Variants in IFI27L1 observed in about 807,000 individuals in gnomAD.
IFI27L1 encodes the protein interferon alpha-inducible protein 27-like protein 1.
A neutral mutation model predicts 9.2 loss-of-function variants in IFI27L1; 3 were observed. That is an observed-to-expected ratio of 0.32 (90% confidence interval 0.15 to 0.84). The LOEUF is 0.84. Among genes scored for constraint, IFI27L1 ranks in the 40% least tolerant of loss-of-function variants. IFI27L1 has a pLI of 0.56. For missense variants in IFI27L1, 133 were observed against 134.2 expected (o/e 0.99, Z 0.05); for synonymous variants, 53 against 50.0 (o/e 1.06, Z -0.26).
In IFI27L1 at chr14:94,101,834, C is replaced by T. The variant is rs748261895; in HGVS notation, c.82C>T (p.Leu28Phe). 3.7e-6 allele frequency: 6 copies of T among 1,614,132 alleles called. No individual in the cohort carries two copies. The highest frequency in any genetic ancestry group is 5.1e-6 in the Non-Finnish European group (6 of 1,180,064). Reference sequence around the variant, plus strand: ...CGCAGTTGTGGCTGTGGGGACTGTGCTCGTGGCGCTCAGTGCCATGGGCTT... The same window carrying T: ...CGCAGTTGTGGCTGTGGGGACTGTGTTCGTGGCGCTCAGTGCCATGGGCTT... Reference protein sequence around the residue: ...VGGVVAVGTVLVALSAMGFTS... With the variant: ...VGGVVAVGTVFVALSAMGFTS... The change falls in exon 4 of 5, where the codon CTC (leucine) becomes TTC (phenylalanine). Residue 28 changes from leucine (L) to phenylalanine (F), a missense_variant. Physicochemically the swap from Leu to Phe is conservative, Grantham distance 22. Transcript: ENST00000555523.
intron 1 of IFI27L1, among the ~76,000 whole-genome samples, chr14:94,093,181 T>G (rs1217306509): frequency 6.7e-6 from 1 of 149,980 alleles, no homozygotes; most frequent in Non-Finnish European, 1.5e-5. Flanking sequence ...TTTTTTTTTT[T>G]TTTGAGATGG....
chr14:94,096,895 C>T lies in IFI27L1; in HGVS notation c.-43C>T. On this transcript the variant is annotated 5_prime_UTR_variant, in exon 2 of 5. Coordinates refer to ENST00000555523, the MANE Select transcript of IFI27L1 (RefSeq NM_206949.3). ...CAAAACTCAACCAACAGGTGGAAGT[C>T]CAAGAATCCGAGTGGAGGCTCACCG... 6.2e-7 allele frequency: 1 copy of T among 1,605,642 alleles called. No individual in the cohort carries two copies. The highest frequency in any genetic ancestry group is 8.5e-7 in the Non-Finnish European group (1 of 1,173,004).
chr14:94,098,145 C>T (rs1179156712), intron 2 of IFI27L1, among the ~76,000 whole-genome samples: 1 of 152,152 alleles, frequency 6.6e-6, no homozygotes, highest in Non-Finnish European at 1.5e-5. Flanking sequence ...GCTGCTGTCA[C>T]AAAGGTCCAT....
chr14:94,091,994 C>T (rs901150838), intron 1 of IFI27L1, among the ~76,000 whole-genome samples: 2 of 151,512 alleles, frequency 1.3e-5, no homozygotes, highest in South Asian at 2.1e-4. Flanking sequence ...CGCATGGTGG[C>T]GGGTGCCTGT....
intron 1 of IFI27L1, among the ~76,000 whole-genome samples, chr14:94,092,564 C>T (rs1886519789): frequency 6.6e-6 from 1 of 152,186 alleles, no homozygotes; most frequent in Non-Finnish European, 1.5e-5. Flanking sequence ...CAATCTTAAT[C>T]AGTTTGTCTA....
chr14:94,098,198 T>C (rs1392765714), intron 2 of IFI27L1, among the ~76,000 whole-genome samples: 2 of 152,184 alleles, frequency 1.3e-5, no homozygotes, highest in Non-Finnish European at 2.9e-5. Flanking sequence ...TTTCTCACCG[T>C]TCTGGAGGCT....
chr14:94,100,807 C>T (rs757806237), intron 3 of IFI27L1, 36 bp downstream of exon 3: 3 of 1,608,912 alleles, frequency 1.9e-6, no homozygotes, highest in South Asian at 1.1e-5. Context: ...AGCCCCCATC[C>T]CCCGCCTCCC....
At chr14:94,093,025 T>C (rs1285033153) in intron 1 of IFI27L1, among the ~76,000 whole-genome samples, 2 of 150,810 alleles carry the variant, frequency 1.3e-5, no homozygotes, top group East Asian at 3.9e-4. Flanking sequence ...AGAGATGGGG[T>C]TTCACCATGT....
At chr14:94,082,206 C>CCCTAAA (rs1886130493) in intron 1 of IFI27L1, among the ~76,000 whole-genome samples, 1 of 152,178 alleles carries the variant, frequency 6.6e-6, no homozygotes, top group Admixed American at 6.5e-5. Context: ...CTACAGCATC[C>CCCTAAA]CCTAAACCCA....
At chr14:94,100,358 G>T in intron 2 of IFI27L1, 1 of 985,352 alleles carries the variant, frequency 1.0e-6, no homozygotes, top group Non-Finnish European at 1.2e-6. Context: ...CAGAACTTTG[G>T]TCCCAGCTGC....
chr14:94,097,285 C>T (rs1160351157), intron 2 of IFI27L1, among the ~76,000 whole-genome samples: 10 of 152,200 alleles, frequency 6.6e-5, no homozygotes, highest in South Asian at 4.1e-4. Flanking sequence ...CAAGATTGAA[C>T]GGGCAGTTGC....
At chr14:94,097,553 C>T (rs1230712419) in intron 2 of IFI27L1, 3 of 693,484 alleles carry the variant, frequency 4.3e-6, no homozygotes, top group East Asian at 5.4e-5. Context: ...GTGACTTGGG[C>T]CAGAGCAGAG....
intron 2 of IFI27L1, 75 bp from the exon 3 acceptor site, chr14:94,100,664 G>A (rs1886858817): frequency 1.9e-5 from 30 of 1,601,584 alleles, no homozygotes; most frequent in Non-Finnish European, 2.5e-5. Context: ...TTTGAGATGG[G>A]GGTATCAGAG....
chr14:94,101,701 A>G, intron 3 of IFI27L1, 113 bp from the exon 4 acceptor site: 2 of 1,074,668 alleles, frequency 1.9e-6, no homozygotes, highest in South Asian at 3.0e-5. Context: ...ATCCCTGCTC[A>G]GTCTTTCCTG....
intron 2 of IFI27L1, among the ~76,000 whole-genome samples, chr14:94,098,076 T>C (rs1370272970): frequency 6.6e-6 from 1 of 152,052 alleles, no homozygotes; most frequent in African/African-American, 2.4e-5. Context: ...GAGAGGCTAG[T>C]ATGGCAGGGG....
chr14:94,088,090 C>CTAT (rs1886342743), intron 1 of IFI27L1, among the ~76,000 whole-genome samples: 4 of 152,176 alleles, frequency 2.6e-5, no homozygotes, highest in African/African-American at 9.7e-5. Flanking sequence ...GTTAATGACT[C>CTAT]TATTCCCCTG....
At chr14:94,096,996 T>C (rs745933665) in intron 2 of IFI27L1, 31 bp downstream of exon 2, 11 of 1,590,842 alleles carry the variant, frequency 6.9e-6, no homozygotes, top group Non-Finnish European at 9.4e-6. Flanking sequence ...TGGGGGCTGC[T>C]GGTCCTTCCG....
At chr14:94,099,012 GGAGC>G (rs1886786703) in intron 2 of IFI27L1, among the ~76,000 whole-genome samples, 2 of 152,192 alleles carry the variant, frequency 1.3e-5, no homozygotes, top group Non-Finnish European at 2.9e-5. Context: ...TTTGCTCTAA[GGAGC>G]AAAGCAAAGT....
chr14:94,100,302 T>C, intron 2 of IFI27L1: 1 of 985,424 alleles, frequency 1.0e-6, no homozygotes, highest in South Asian at 4.7e-5. Context: ...AAGGCGCCTC[T>C]TCCTGGGGAG....
Sources: gnomAD v4.1 joint callset for allele counts (sites outside exome capture counted in the v4.1 genomes callset) on GRCh38, gnomAD v4.1.1 for gene constraint, MANE v1.5 for transcripts, NCBI Gene and HGNC (gene_info 2026-07-23, HGNC 2026-07-21) for gene names.